Variants in KIR3DL1 observed in about 807,000 individuals in gnomAD.
KIR3DL1 encodes killer cell immunoglobulin like receptor, three Ig domains and long cytoplasmic tail 1.
A neutral mutation model predicts 40.3 loss-of-function variants in KIR3DL1; 50 were observed. The ratio of observed to expected loss-of-function variants is 1.24; its 90% CI spans 0.99 to 1.57. KIR3DL1 has a LOEUF of 1.57. Ranked by LOEUF, KIR3DL1 falls within the 40% of genes most tolerant of loss-of-function variation. The pLI, the probability that KIR3DL1 is intolerant of heterozygous loss-of-function variation, is 0.00. For synonymous variants in KIR3DL1, 257 were observed against 207.2 expected, an observed-to-expected ratio of 1.24 and a Z score of -2.07; for missense variants, 661 against 559.9, an observed-to-expected ratio of 1.18 and a Z score of -1.82.
chr19:54,829,751 T>A (rs1364269928), intron 7 of KIR3DL1, among the ~76,000 whole-genome samples, 177 bp from the exon 8 acceptor site: 1 of 141,170 alleles, frequency 7.1e-6, no homozygotes, highest in Non-Finnish European at 1.6e-5. Context: ...GGATGGGAAC[T>A]CAGAGCTATT....
chr19:54,821,139 A>T lies in KIR3DL1; in HGVS notation c.656-426A>T, dbSNP rs1412357553. Among the ~76,000 whole-genome samples, 3 of 150,076 alleles carry T rather than the reference A, an allele frequency of 2.0e-5. No individual in the cohort carries two copies. In the East Asian group the frequency reaches 5.8e-4, roughly 29 times the overall value. ...GATAATAGATGATTGATGGATAGAT[A>T]GACAGACAGACAATTGATAGAGAGA... On this transcript the variant is annotated intron_variant, in intron 4 of 8. Coordinates refer to ENST00000391728, the Ensembl canonical transcript of KIR3DL1.
intron 2 of KIR3DL1, 44 bp downstream of exon 2, chr19:54,817,613 G>C: frequency 6.9e-7 from 1 of 1,446,554 alleles, no homozygotes; most frequent in Non-Finnish European, 9.4e-7. Context: ...CCCCACATAA[G>C]AGGATTTTCC....
intron 6 of KIR3DL1, 91 bp downstream of exon 6, chr19:54,825,169 G>T (rs200314651): frequency 0.042 from 34,662 of 835,028 alleles, 1,940 homozygotes; most frequent in East Asian, 0.11. Flanking sequence ...TCCCAGCTCT[G>T]TGAATGAGGG....
intron 4 of KIR3DL1, among the ~76,000 whole-genome samples, chr19:54,820,996 T>C (rs944340564): frequency 2.2e-5 from 3 of 137,376 alleles, no homozygotes; most frequent in Admixed American, 1.5e-4. Flanking sequence ...TGATAGATGA[T>C]ACATAGAGAT....
In KIR3DL1 at chr19:54,830,278, A is replaced by G; in HGVS notation, c.*3A>G. On this transcript the variant is annotated 3_prime_UTR_variant, in exon 9 of 9. Coordinates refer to ENST00000391728, the Ensembl canonical transcript of KIR3DL1. ...CCAAAGTTGTCTCCTGCCCATGAGCACCACAGTCAGGCCTTGAGGACGTCT... is the reference window on the plus strand; with the variant it reads ...CCAAAGTTGTCTCCTGCCCATGAGCGCCACAGTCAGGCCTTGAGGACGTCT... The G allele has an allele frequency of 2.0e-6, 3 of 1,523,534 alleles. 1 individual carries two copies. The East Asian group carries it at 7.0e-5, about 36-fold the overall frequency. The allele number at this position is 1,523,534 out of a possible 1,614,324, so 94.4% of individuals were successfully genotyped here.
intron 6 of KIR3DL1, among the ~76,000 whole-genome samples, chr19:54,827,249 G>A (rs2061949200): frequency 6.6e-6 from 1 of 151,298 alleles, no homozygotes; most frequent in African/African-American, 2.5e-5. Flanking sequence ...ACCTGGCAAA[G>A]GAGTGACAGA....
Position 54,817,587 on chromosome 19 carries a change from C to G in KIR3DL1, c.70+18C>G, listed in dbSNP as rs1337106789. ...ACACATGGGTGAGTCCTTCCCCAAA[C>G]CTTAGGGTGTCATCTCCCCACATAA... On this transcript the variant is annotated intron_variant, in intron 2 of 8. Coordinates refer to ENST00000391728, the Ensembl canonical transcript of KIR3DL1. 1 of 1,504,550 alleles carries G rather than the reference C, an allele frequency of 6.6e-7. No homozygotes were observed. The highest frequency in any genetic ancestry group is 9.0e-7 in the Non-Finnish European group (1 of 1,105,344). 93.2% of individuals were successfully genotyped at this position (1,504,550 alleles called of 1,614,324 possible). A position where few individuals can be genotyped will look rare whatever the true frequency, so the allele number is the denominator to read the frequency against.
chr19:54,819,871 C>A (rs774995978), exon 4 of KIR3DL1: 5 of 1,612,212 alleles, frequency 3.1e-6, no homozygotes, highest in Non-Finnish European at 3.4e-6. Flanking sequence ...TGGACAGATC[C>A]ATGATGGGGT....
intron 6 of KIR3DL1, among the ~76,000 whole-genome samples, chr19:54,826,962 A>G (rs1305236366): frequency 6.7e-6 from 1 of 149,926 alleles, no homozygotes; most frequent in Non-Finnish European, 1.5e-5. Flanking sequence ...CGGGGTAGCC[A>G]GGAATCCCTA....
intron 4 of KIR3DL1, among the ~76,000 whole-genome samples, chr19:54,821,224 A>AAATAGATAGATCGATAGAG (rs377345227): frequency 6.7e-6 from 1 of 148,576 alleles, no homozygotes; most frequent in African/African-American, 2.5e-5. Flanking sequence ...CAAAATAGAT[A>AAATAGATAGATCGATAGAG]AATAGATAGA....
At chr19:54,828,434 A>ACC (rs1382258887) in intron 6 of KIR3DL1, among the ~76,000 whole-genome samples, 1 of 151,146 alleles carries the variant, frequency 6.6e-6, no homozygotes, top group Non-Finnish European at 1.5e-5. Flanking sequence ...CACACAGAGA[A>ACC]TACGTTACAT....
rs749201527 is a variant in KIR3DL1 at position 54,818,531 on chromosome 19, G to A, written c.287G>A (p.Arg96Gln). Residue 96 changes from arginine (R) to glutamine (Q), a missense_variant, in exon 3 of 9, where the codon CGG (arginine) becomes CAG (glutamine). By Grantham distance (43) the Arg-to-Gln change is conservative. Transcript: ENST00000391728. ...GCACATGCAGGGAACTACACATGTCGGGGTTCACACCCACACTCCCCCACT... is the reference window on the plus strand; with the variant it reads ...GCACATGCAGGGAACTACACATGTCAGGGTTCACACCCACACTCCCCCACT... The A allele has an allele frequency of 2.5e-5, 40 of 1,611,558 alleles. 2 individuals are homozygous for A. The highest frequency in any genetic ancestry group is 1.8e-4 in the East Asian group (8 of 44,824).
intron 4 of KIR3DL1, 118 bp from the exon 5 acceptor site, chr19:54,821,441 GGAGGGT>G: frequency 8.1e-7 from 1 of 1,240,930 alleles, no homozygotes; most frequent in Non-Finnish European, 1.1e-6. Context: ...GAGATGGGGT[GGAGGGT>G]GAGAGAGAGA....
At position 54,828,057 on chromosome 19, in the gene KIR3DL1, A is replaced by T. The variant is rs931584234; in HGVS notation, c.1001-1304A>T. On this transcript the variant is annotated intron_variant, in intron 6 of 8. Coordinates refer to ENST00000391728, the Ensembl canonical transcript of KIR3DL1. ...ACTAATTCACAGGAGGACAGGTGGT[A>T]TTGAAGCAATAGATAGTCGAGGGGG... is the stretch of plus-strand genomic sequence containing the variant. 2.9e-4 allele frequency among the ~76,000 whole-genome samples: 44 copies of T among 150,750 alleles called. 2 individuals are homozygous for T. Among genetic ancestry groups the T allele is most frequent in the Admixed American group, 4.6e-4 (7 of 15,190 alleles).
intron 6 of KIR3DL1, among the ~76,000 whole-genome samples, chr19:54,826,005 C>T (rs201255363): frequency 0.15 from 20,844 of 139,128 alleles, 1,848 homozygotes; most frequent in Middle Eastern, 0.19. Context: ...CATAATCTCC[C>T]GGAAATCATT....
Position 54,820,032 on chromosome 19 carries a change from G to T in KIR3DL1, c.655+20G>T. 6.2e-7 allele frequency: 1 copy of T among 1,603,928 alleles called. No homozygotes were observed. The highest frequency in any genetic ancestry group is 2.2e-5 in the East Asian group (1 of 44,466). ...TCACAGGTGAGAGTGTCTAGACATTGTTCTCATTGTCACTGGGACACAGAG... is the reference window on the plus strand; with the variant it reads ...TCACAGGTGAGAGTGTCTAGACATTTTTCTCATTGTCACTGGGACACAGAG... On this transcript the variant is annotated intron_variant, in intron 4 of 8. Transcript: ENST00000391728.
At chr19:54,825,209 C>A in intron 6 of KIR3DL1, 131 bp downstream of exon 6, 1 of 756,288 alleles carries the variant, frequency 1.3e-6, no homozygotes, top group South Asian at 1.5e-5. Flanking sequence ...GAACTCCAGA[C>A]ACTCCAACAG....
chr19:54,827,107 G>C (rs1396085461), intron 6 of KIR3DL1, among the ~76,000 whole-genome samples: 1 of 151,594 alleles, frequency 6.6e-6, no homozygotes, highest in Non-Finnish European at 1.5e-5. Context: ...GGATGAAGCA[G>C]ATGGATATAA....
At chr19:54,821,240 G>A (rs1197657583) in intron 4 of KIR3DL1, among the ~76,000 whole-genome samples, 2 of 118,598 alleles carry the variant, frequency 1.7e-5, no homozygotes, top group Admixed American at 1.8e-4. Context: ...ATAGAAATGT[G>A]CAGAAAGTTA....
Sources: allele counts gnomAD v4.1 joint callset (sites outside exome capture counted in the v4.1 genomes callset), GRCh38; gene constraint gnomAD v4.1.1; transcripts MANE v1.5; gene names NCBI Gene and HGNC (gene_info 2026-07-23, HGNC 2026-07-21).